LAMA4: variants seen among roughly 807,000 people sequenced by gnomAD.
LAMA4 encodes laminin subunit alpha-4.
A neutral mutation model predicts 207.1 loss-of-function variants in LAMA4; 127 were observed. That is an observed-to-expected ratio of 0.61 (90% CI 0.53 to 0.71). The LOEUF (loss-of-function observed/expected upper bound fraction) is 0.71. LAMA4 is among the 30% of genes least tolerant of loss of function. The pLI is 0.00. For missense variants in LAMA4, 2,093 were observed against 2,246.5 expected (o/e 0.93, Z 1.38); for synonymous variants, 761 against 816.0 (o/e 0.93, Z 1.15).
At chr6:112,233,766 T>C (rs1785708898) in intron 2 of LAMA4, among the ~76,000 whole-genome samples, 1 of 152,242 alleles carries the variant, frequency 6.6e-6, no homozygotes, top group African/African-American at 2.4e-5. Flanking sequence ...GTTGTTTCAT[T>C]GCTTCAAGCA....
chr6:112,236,067 G>T (rs1048237238), intron 2 of LAMA4: 13 of 152,210 alleles, frequency 8.5e-5, no homozygotes, highest in African/African-American at 3.1e-4. Context: ...CAACACCCCC[G>T]TGACGGCGTC....
intron 30 of LAMA4, 58 bp from the exon 31 acceptor site, chr6:112,129,133 T>G (rs1778876376): frequency 6.9e-7 from 1 of 1,457,688 alleles, no homozygotes; most frequent in Non-Finnish European, 9.6e-7. Context: ...AATTACATGA[T>G]GAATATTATG....
At chr6:112,155,761 C>A (rs782129301) in intron 14 of LAMA4, 55 bp from the exon 15 acceptor site, 68 of 1,579,218 alleles carry the variant, frequency 4.3e-5, no homozygotes, top group Admixed American at 1.0e-4. Context: ...GGGAATGGGG[C>A]CATGTTTAAT....
chr6:112,129,508 A>G (rs1257738995), intron 30 of LAMA4, among the ~76,000 whole-genome samples: 1 of 152,150 alleles, frequency 6.6e-6, no homozygotes, highest in Non-Finnish European at 1.5e-5. Flanking sequence ...TCTGTCATTA[A>G]TGATAAGTAC....
In LAMA4 at chr6:112,141,513, CA is replaced by C; in HGVS notation, c.2668-11del. On this transcript the variant is annotated splice_polypyrimidine_tract_variant and intron_variant, in intron 20 of 38. Transcript: ENST00000230538. Reference sequence around the variant, plus strand: ...TATACTCTTTTTTGGCCTGAAATATCAAGAAGTAAGAAGTCATTTAAATAAA... The same window carrying C: ...TATACTCTTTTTTGGCCTGAAATATCAGAAGTAAGAAGTCATTTAAATAAA... The C allele has an allele frequency of 6.4e-7, 1 of 1,573,722 alleles. No homozygotes were observed. Among genetic ancestry groups the C allele is most frequent in the East Asian group, 2.2e-5 (1 of 44,682 alleles).
chr6:112,155,670 C>T lies in LAMA4; in HGVS notation c.1854G>A (p.Gln618=), dbSNP rs587781014. The part of the protein sequence containing the change: ...LHSSDMNGLV[Q]KALDASNVYE... ...AGACATTTGATGCATCCAAAGCCTTCTGTACCAGCCCGTTCATATCTGAAC... is the reference window on the plus strand; with the variant it reads ...AGACATTTGATGCATCCAAAGCCTTTTGTACCAGCCCGTTCATATCTGAAC... The change falls in exon 15 of 39, where the codon CAG becomes CAA. Residue 618 remains glutamine, a synonymous_variant. Transcript: ENST00000230538. The T allele has an allele frequency of 9.0e-5, 146 of 1,613,986 alleles. No individual in the cohort carries two copies. The highest frequency in any genetic ancestry group is 1.2e-4 in the Non-Finnish European group (143 of 1,179,968).
In LAMA4 at chr6:112,132,865, C is replaced by A; in HGVS notation, c.3722G>T (p.Gly1241Val). ...CTGAATTGAAGCAATGAAGCTCTGT[C>A]CATTGAAATATGCTCTGCGAGATAT... ...SLISRRAYFN[G>V]QSFIASIQKI... is the part of the protein sequence containing the mutation. The change falls in exon 28 of 39, where the codon GGA becomes GTA. Residue 1241 changes from glycine to valine, a missense_variant. Gly to Val is a moderately radical substitution (Grantham distance 109). Coordinates refer to ENST00000230538, the MANE Select transcript of LAMA4 (RefSeq NM_001105206.3). The A allele has an allele frequency of 6.2e-7, 1 of 1,612,936 alleles. No individual in the cohort carries two copies. The highest frequency in any genetic ancestry group is 8.5e-7 in the Non-Finnish European group (1 of 1,179,158).
At chr6:112,209,128 C>CCTT (rs1784228550) in intron 3 of LAMA4, among the ~76,000 whole-genome samples, 1 of 152,144 alleles carries the variant, frequency 6.6e-6, no homozygotes, top group Non-Finnish European at 1.5e-5. Context: ...AACCAATGAG[C>CCTT]CTTACCCAAC....
At chr6:112,123,293 G>T (rs1197160661) in intron 31 of LAMA4, among the ~76,000 whole-genome samples, 1 of 152,158 alleles carries the variant, frequency 6.6e-6, no homozygotes, top group Non-Finnish European at 1.5e-5. Context: ...ACACTCACAG[G>T]CAACAGACAA....
intron 31 of LAMA4, among the ~76,000 whole-genome samples, chr6:112,125,259 T>C (rs897309292): frequency 6.6e-6 from 1 of 152,228 alleles, no homozygotes; most frequent in Non-Finnish European, 1.5e-5. Flanking sequence ...ATAATTAACA[T>C]AATGCCCTTA....
intron 2 of LAMA4, among the ~76,000 whole-genome samples, chr6:112,238,156 G>C (rs1267371208): frequency 1.3e-5 from 2 of 152,180 alleles, no homozygotes; most frequent in African/African-American, 2.4e-5. Context: ...TGTTCCACCA[G>C]GAGTGAATGT....
chr6:112,146,277 G>A (rs1377988814), intron 18 of LAMA4, among the ~76,000 whole-genome samples: 3 of 151,054 alleles, frequency 2.0e-5, no homozygotes, highest in East Asian at 1.9e-4. Context: ...GCGACAGAGC[G>A]AGACTATGTC....
intron 3 of LAMA4, 77 bp from the exon 4 acceptor site, chr6:112,207,222 T>C: frequency 1.3e-6 from 2 of 1,533,296 alleles, no homozygotes; most frequent in Non-Finnish European, 1.8e-6. Context: ...CATCATGCAA[T>C]ACTTTTTCAA....
At chr6:112,166,483 GGTT>G (rs1430558279) in intron 12 of LAMA4, 11 of 152,440 alleles carry the variant, frequency 7.2e-5, no homozygotes, top group Non-Finnish European at 1.5e-4. Context: ...GTTGAAAAAA[GGTT>G]GGTATTATTT....
intron 6 of LAMA4, among the ~76,000 whole-genome samples, chr6:112,190,919 CTTT>C (rs1186157042): frequency 1.7e-3 from 165 of 99,462 alleles, no homozygotes; most frequent in East Asian, 3.4e-3. Context: ...TTCTTTCTTT[CTTT>C]CTTTCTTTCT....
intron 12 of LAMA4, among the ~76,000 whole-genome samples, chr6:112,167,840 T>TCA (rs71021873): frequency 0.029 from 3,692 of 125,744 alleles, 64 homozygotes; most frequent in African/African-American, 0.044. Flanking sequence ...ATGCATACCA[T>TCA]CACACACACA....
intron 5 of LAMA4, among the ~76,000 whole-genome samples, chr6:112,201,133 G>A (rs550466857): frequency 6.6e-6 from 1 of 152,154 alleles, no homozygotes; most frequent in African/African-American, 2.4e-5. Context: ...TTTTTAGTAT[G>A]GTATAAAGCT....
At position 112,175,297 on chromosome 6, in the gene LAMA4, A is replaced by G. The variant is rs1426370760; in HGVS notation, c.1357+16T>C. On this transcript the variant is annotated intron_variant, in intron 11 of 38. Transcript: ENST00000230538. Reference sequence around the variant, plus strand: ...GCAAACATGTGCTGGGTCAGCTATGAGAGGAATACACCTACGTTCGTAAGC... The same window carrying G: ...GCAAACATGTGCTGGGTCAGCTATGGGAGGAATACACCTACGTTCGTAAGC... 1.9e-6 allele frequency: 3 copies of G among 1,613,046 alleles called. No homozygotes were observed. Among genetic ancestry groups the G allele is most frequent in the East Asian group, 2.2e-5 (1 of 44,896 alleles).
At chr6:112,222,043 G>T (rs1269500169) in intron 2 of LAMA4, among the ~76,000 whole-genome samples, 1 of 152,230 alleles carries the variant, frequency 6.6e-6, no homozygotes, top group South Asian at 2.1e-4. Flanking sequence ...TTTCAGATCA[G>T]GCTTAACATG....
Sources: gnomAD v4.1 joint callset for allele counts (sites outside exome capture counted in the v4.1 genomes callset) on GRCh38, gnomAD v4.1.1 for gene constraint, MANE v1.5 for transcripts, NCBI Gene and HGNC (gene_info 2026-07-23, HGNC 2026-07-21) for gene names.